Variants in PABPC4L observed in about 807,000 individuals in gnomAD.
PABPC4L encodes poly(A) binding protein cytoplasmic 4 like, also known as polyadenylate-binding protein 4-like.
For missense variants in PABPC4L, 452 were observed against 451.4 expected (o/e 1.00, Z -0.01); for synonymous variants, 169 against 164.1 (o/e 1.03, Z -0.23).
the PABPC4L span, among the ~76,000 whole-genome samples, chr4:134,015,291 G>T: frequency 3.4e-4 from 52 of 152,212 alleles, no homozygotes; most frequent in Middle Eastern, 3.4e-3. Flanking sequence ...AAGCCTTACA[G>T]GTTAGTTCAG....
chr4:134,139,664 C>A, the PABPC4L span, among the ~76,000 whole-genome samples: 1 of 150,908 alleles, frequency 6.6e-6, no homozygotes, highest in Non-Finnish European at 1.5e-5. Flanking sequence ...AAGAAATGTT[C>A]TATTGGCTTA....
Position 134,200,317 on chromosome 4 carries a change from C to G in PABPC4L, c.703G>C (p.Val235Leu), listed in dbSNP as rs192522574. The G allele has an allele frequency of 4.6e-5, 73 of 1,593,064 alleles. No homozygotes were observed. The East Asian group carries it at 1.6e-3, about 36-fold the overall frequency. ...GCAGCCTCATGGCTATCAAAACTCA[C>G]AAAGCCAAAGCCTTTGGATTTCCCA... ...SSGKSKGFGF[V>L]SFDSHEAAKK... Residue 235 changes from valine to leucine, a missense_variant, in exon 2 of 2, where the codon GTG becomes CTG. Physicochemically the swap from Val to Leu is conservative, Grantham distance 32. Transcript: ENST00000421491.
chr4:134,173,856 A>G, the PABPC4L span, among the ~76,000 whole-genome samples: 1 of 152,220 alleles, frequency 6.6e-6, no homozygotes, highest in Non-Finnish European at 1.5e-5. Flanking sequence ...GTATATCCAT[A>G]GTAATTAAAA....
the PABPC4L span, among the ~76,000 whole-genome samples, chr4:134,175,638 G>A: frequency 6.6e-6 from 1 of 151,898 alleles, no homozygotes; most frequent in African/African-American, 2.4e-5. Context: ...TAGTAGAGAT[G>A]GGGTTTTGCC....
At chr4:134,112,802 C>T in the PABPC4L span, among the ~76,000 whole-genome samples, 1 of 151,668 alleles carries the variant, frequency 6.6e-6, no homozygotes, top group African/African-American at 2.4e-5. Context: ...TACTATTTTG[C>T]TATAGTATAA....
the PABPC4L span, among the ~76,000 whole-genome samples, chr4:134,092,256 A>C: frequency 1.3e-5 from 2 of 152,116 alleles, no homozygotes; most frequent in Non-Finnish European, 2.9e-5. Context: ...CTCTACCTAT[A>C]AAAACCCCAA....
the PABPC4L span, among the ~76,000 whole-genome samples, chr4:134,003,053 C>A: frequency 6.6e-6 from 1 of 151,998 alleles, no homozygotes; most frequent in Admixed American, 6.6e-5. Flanking sequence ...GGCTTAAATT[C>A]ATTTCAGGGG....
chr4:134,156,623 T>C, the PABPC4L span, among the ~76,000 whole-genome samples: 2 of 151,900 alleles, frequency 1.3e-5, no homozygotes, highest in Non-Finnish European at 2.9e-5. Flanking sequence ...ACTATAAATA[T>C]AAGGAAATTA....
chr4:134,155,718 T>C, the PABPC4L span, among the ~76,000 whole-genome samples: 1 of 152,010 alleles, frequency 6.6e-6, no homozygotes, highest in African/African-American at 2.4e-5. Flanking sequence ...CTGTCTTCCA[T>C]GGTTATTTTA....
At chr4:134,106,511 A>G in the PABPC4L span, among the ~76,000 whole-genome samples, 1 of 151,558 alleles carries the variant, frequency 6.6e-6, no homozygotes, top group Non-Finnish European at 1.5e-5. Context: ...CAGAGGAACA[A>G]AAAGATAATG....
chr4:134,194,006 T>C (rs1729585800), downstream of PABPC4L, among the ~76,000 whole-genome samples: 1 of 151,888 alleles, frequency 6.6e-6, no homozygotes, highest in South Asian at 2.1e-4. Context: ...TCAGGCGATA[T>C]ATTGGCTTAG....
At chr4:134,057,140 T>C in the PABPC4L span, among the ~76,000 whole-genome samples, 1 of 152,176 alleles carries the variant, frequency 6.6e-6, no homozygotes, top group Admixed American at 6.6e-5. Context: ...TTGAATGATA[T>C]GGCCATGTGA....
the PABPC4L span, among the ~76,000 whole-genome samples, chr4:134,107,246 T>A: frequency 6.6e-6 from 1 of 151,458 alleles, no homozygotes; most frequent in Non-Finnish European, 1.5e-5. Flanking sequence ...TTATTCTTCA[T>A]CTATAAAATA....
the PABPC4L span, among the ~76,000 whole-genome samples, chr4:134,022,355 G>A: frequency 6.6e-6 from 1 of 152,046 alleles, no homozygotes; most frequent in African/African-American, 2.4e-5. Context: ...AATCTTCAGT[G>A]ATGGAATCTG....
the PABPC4L span, among the ~76,000 whole-genome samples, chr4:133,972,401 T>C: frequency 1.3e-5 from 2 of 152,162 alleles, no homozygotes; most frequent in Non-Finnish European, 2.9e-5. Context: ...TACTGTTATG[T>C]GTCACACATA....
chr4:133,974,930 A>T, the PABPC4L span, among the ~76,000 whole-genome samples: 5 of 152,138 alleles, frequency 3.3e-5, no homozygotes, highest in South Asian at 4.1e-4. Context: ...CTTTGGAAAA[A>T]AAGTTTGATA....
chr4:133,980,294 T>A, the PABPC4L span, among the ~76,000 whole-genome samples: 2 of 152,144 alleles, frequency 1.3e-5, no homozygotes, highest in Non-Finnish European at 2.9e-5. Flanking sequence ...ATTCATTTCG[T>A]TTTTATTTCT....
the PABPC4L span, among the ~76,000 whole-genome samples, chr4:134,034,210 C>A: frequency 1.3e-5 from 2 of 151,920 alleles, no homozygotes; most frequent in African/African-American, 4.8e-5. Flanking sequence ...TAGCAACATA[C>A]CTGTTTTTAG....
chr4:133,996,788 C>T, the PABPC4L span, among the ~76,000 whole-genome samples: 11 of 152,060 alleles, frequency 7.2e-5, no homozygotes, highest in Non-Finnish European at 1.5e-4. Context: ...CAGCAGCTAC[C>T]CCCATAAGTA....
Sources: allele counts gnomAD v4.1 joint callset (sites outside exome capture counted in the v4.1 genomes callset), GRCh38; gene constraint gnomAD v4.1.1; transcripts MANE v1.5; gene names NCBI Gene and HGNC (gene_info 2026-07-23, HGNC 2026-07-21).